Variants in CEP72 observed in about 807,000 individuals in gnomAD.
The protein encoded by CEP72 is centrosomal protein of 72 kDa.
Under a neutral mutation model 65.7 loss-of-function variants are expected in CEP72, and 78 were observed. The ratio of observed to expected loss-of-function variants is 1.19; its 90% confidence interval spans 0.99 to 1.43. The LOEUF (loss-of-function observed/expected upper bound fraction) is 1.43. Ranked by LOEUF, CEP72 falls within the 40% of genes most tolerant of loss-of-function variation. The pLI is 0.00. For synonymous variants in CEP72, 358 were observed against 351.7 expected (o/e 1.02, Z -0.20); for missense variants, 914 against 832.9 (o/e 1.10, Z -1.20).
At chr5:651,211 GTGAGGCGTGGACTGTGAGGTGTGAC>G (rs1358126311) in intron 11 of CEP72, among the ~76,000 whole-genome samples, 12 of 76,474 alleles carry the variant, frequency 1.6e-4, no homozygotes, top group African/African-American at 5.2e-4. Flanking sequence ...AGGTGTGACT[GTGAGGCGTGGACTGTGAGGTGTGAC>G]TGAGGCGTGG....
intron 1 of CEP72, among the ~76,000 whole-genome samples, chr5:618,449 A>G (rs1736138773): frequency 6.6e-6 from 1 of 152,228 alleles, no homozygotes; most frequent in Admixed American, 6.5e-5. Context: ...CAATCTTTTT[A>G]CATATACTGT....
intron 2 of CEP72, 137 bp from the exon 3 acceptor site, chr5:619,932 C>G (rs917938111): frequency 8.7e-6 from 6 of 692,088 alleles, no homozygotes; most frequent in Non-Finnish European, 1.4e-5. Context: ...TTTCATTTTT[C>G]TACTTTTCCT....
intron 1 of CEP72, among the ~76,000 whole-genome samples, chr5:614,600 A>G (rs1316019984): frequency 1.3e-5 from 2 of 151,702 alleles, no homozygotes; most frequent in Non-Finnish European, 2.9e-5. Flanking sequence ...TGACCTCATG[A>G]TCCGCCCACC....
chr5:644,551 C>A, intron 10 of CEP72, 126 bp downstream of exon 10: 1 of 1,117,800 alleles, frequency 8.9e-7, no homozygotes, highest in Non-Finnish European at 1.3e-6. Flanking sequence ...AAGTGGGGAG[C>A]CGAGCCCCTG....
At chr5:643,343 A>G (rs1738185732) in intron 9 of CEP72, 2 of 985,352 alleles carry the variant, frequency 2.0e-6, no homozygotes, top group Non-Finnish European at 2.4e-6. Context: ...AGGGCAGGTC[A>G]TGCTGGTTGG....
chr5:620,510 C>G (rs1342311319), intron 3 of CEP72, among the ~76,000 whole-genome samples: 1 of 152,190 alleles, frequency 6.6e-6, no homozygotes, highest in Non-Finnish European at 1.5e-5. Flanking sequence ...GAGCACAGCC[C>G]CGGACCAGGC....
At chr5:658,788 C>T (rs942251613), downstream of CEP72, among the ~76,000 whole-genome samples, 3 of 150,920 alleles carry the variant, frequency 2.0e-5, no homozygotes, top group South Asian at 2.1e-4. Context: ...CCTGCCTCAG[C>T]CTCCCGAGTA....
Position 647,849 on chromosome 5 carries a change from C to T in CEP72, c.1711C>T (p.Leu571=). 2.5e-6 allele frequency: 4 copies of T among 1,612,548 alleles called. No individual in the cohort carries two copies. Among genetic ancestry groups the T allele is most frequent in the Non-Finnish European group, 3.4e-6 (4 of 1,179,942 alleles). The change falls in exon 11 of 12, where the codon CTG becomes TTG. Residue 571 remains leucine (L), a synonymous_variant. Coordinates refer to ENST00000264935, the MANE Select transcript of CEP72 (RefSeq NM_018140.4). ...VKRLCGEIVE[L]KQHLEHYDKI... is the part of the protein sequence containing the mutation. ...GAGGCTGTGTGGCGAGATTGTGGAA[C>T]TGAAGCAGCACCTGGAGCACTACGA...
At chr5:668,954 CTG>C (rs907991081), downstream of CEP72, among the ~76,000 whole-genome samples, 1 of 152,208 alleles carries the variant, frequency 6.6e-6, no homozygotes, top group Non-Finnish European at 1.5e-5. Context: ...AAGGCGGATG[CTG>C]TGTTTAAACA....
In CEP72 at chr5:666,183, C is replaced by T. The variant is rs563886791; in HGVS notation, n.592+84C>T. 2.8e-5 allele frequency: 44 copies of T among 1,575,598 alleles called. No individual in the cohort carries two copies. The Admixed American group carries it at 3.3e-4, about 12-fold the overall frequency. ...GGCCGGCCCAGGGCTGCCCTCCCCA[C>T]GCGTGGGTCTGAGCAGAGCTGGACA... On this transcript the variant is annotated intron_variant and non_coding_transcript_variant, in intron 4 of 4. Coordinates refer to the CEP72 transcript ENST00000514507.
Position 633,798 on chromosome 5 carries a change from A to G in CEP72, c.542A>G (p.Glu181Gly). The G allele has an allele frequency of 1.9e-6, 3 of 1,614,118 alleles. No individual in the cohort carries two copies. The highest frequency in any genetic ancestry group is 2.5e-6 in the Non-Finnish European group (3 of 1,180,042). ...CACCACCCCAGAGCCAAGTGCACCG[A>G]GGCCTTGGCCAAGCAGAGCCTGGTC... is the stretch of plus-strand genomic sequence containing the variant. ...RPHHPRAKCT[E>G]ALAKQSLVMD... Residue 181 changes from glutamate (E) to glycine (G), a missense_variant, in exon 5 of 12, where the codon GAG becomes GGG. Transcript: ENST00000264935.
In CEP72 at chr5:666,684, C is replaced by T. The variant is rs528919143; in HGVS notation, n.593-180C>T. 5.5e-4 allele frequency among the ~76,000 whole-genome samples: 84 copies of T among 152,074 alleles called. 1 individual carries two copies. The highest frequency in any genetic ancestry group is 1.8e-3 in the African/African-American group (73 of 41,322). On this transcript the variant is annotated intron_variant and non_coding_transcript_variant, in intron 4 of 4. Coordinates refer to the CEP72 transcript ENST00000514507. ...GCTCTGGCCTCAGAGGTGCAGAGCC[C>T]GGTGGGCCGGAGGTGCCATGAGAAG...
chr5:657,388 G>A (rs1739406923), downstream of CEP72, among the ~76,000 whole-genome samples: 1 of 152,190 alleles, frequency 6.6e-6, no homozygotes, highest in Non-Finnish European at 1.5e-5. Context: ...ATTTTCCTTT[G>A]TAATGCTGTT....
At chr5:669,708 G>A (rs759676276), downstream of CEP72, among the ~76,000 whole-genome samples, 54 of 152,152 alleles carry the variant, frequency 3.5e-4, no homozygotes, top group Middle Eastern at 0.01. Context: ...ATTCAGATCC[G>A]GACACCTGCT....
At chr5:636,274 A>G (rs1220970107) in intron 6 of CEP72, among the ~76,000 whole-genome samples, 2 of 152,270 alleles carry the variant, frequency 1.3e-5, no homozygotes, top group African/African-American at 2.4e-5. Context: ...AATGCAGCAC[A>G]TTGAAATTTA....
rs1225306451 is a variant in CEP72, at chr5:633,854, C to G, written c.598C>G (p.Leu200Val). 1.9e-6 allele frequency: 3 copies of G among 1,613,840 alleles called. No homozygotes were observed. The highest frequency in any genetic ancestry group is 2.5e-6 in the Non-Finnish European group (3 of 1,180,042). Reference protein sequence around the residue: ...MDADDEAVLNLIAECEWDLGR... With the variant: ...MDADDEAVLNVIAECEWDLGR... ...TGCGGATGACGAGGCAGTCCTGAAC[C>G]TCATTGCAGAGTGCGAGTGGGACCT... The change falls in exon 5 of 12, where the codon CTC becomes GTC. Residue 200 changes from leucine (L) to valine (V), a missense_variant. Leu to Val is a conservative substitution (Grantham distance 32). Coordinates refer to ENST00000264935, the MANE Select transcript of CEP72 (RefSeq NM_018140.4).
chr5:633,721 G>T, intron 4 of CEP72, 48 bp from the exon 5 acceptor site: 1 of 1,575,464 alleles, frequency 6.3e-7, no homozygotes, highest in Non-Finnish European at 8.7e-7. Context: ...GTGGGCCGGA[G>T]CATATGGCTG....
chr5:622,951 A>T (rs1376315280), intron 3 of CEP72, among the ~76,000 whole-genome samples: 1 of 152,220 alleles, frequency 6.6e-6, no homozygotes, highest in African/African-American at 2.4e-5. Flanking sequence ...TTCAGTTCTA[A>T]ATCATTGCCT....
downstream of CEP72, among the ~76,000 whole-genome samples, chr5:669,844 G>A (rs1262334557): frequency 3.3e-5 from 5 of 152,084 alleles, no homozygotes; most frequent in South Asian, 4.1e-4. Flanking sequence ...CTAGGACAGC[G>A]GTGCCTGCCT....
Sources: allele counts gnomAD v4.1 joint callset (sites outside exome capture counted in the v4.1 genomes callset), GRCh38; gene constraint gnomAD v4.1.1; transcripts MANE v1.5; gene names NCBI Gene and HGNC (gene_info 2026-07-23, HGNC 2026-07-21).